PCDH15: variants seen among roughly 807,000 people sequenced by gnomAD.
The protein encoded by PCDH15 is protocadherin-15.
A neutral mutation model predicts 178.5 loss-of-function variants in PCDH15; 129 were observed. The observed-to-expected ratio is 0.72, with a 90% confidence interval of 0.63 to 0.84. PCDH15 has a LOEUF of 0.84. PCDH15 is among the 40% of genes least tolerant of loss of function. The pLI is 0.00. For synonymous variants in PCDH15, 800 were observed against 732.0 expected (o/e 1.09, Z -1.50); for missense variants, 2,230 against 2,099.9 (o/e 1.06, Z -1.21).
intron 3 of PCDH15, among the ~76,000 whole-genome samples, chr10:54,386,100 T>TTGTG (rs60205554): frequency 0.019 from 2,667 of 139,758 alleles, 44 homozygotes; most frequent in African/African-American, 0.047. Flanking sequence ...TAGTTATTAG[T>TTGTG]TGTGTGTGTG....
Position 53,806,552 on chromosome 10 carries a change from T to G in PCDH15, c.*27A>C, listed in dbSNP as rs1166703514. Reference sequence around the variant, plus strand: ...GTTTATTAAAAATGTAAGTAAAAATTAATTAAAATATCTTTTAAAAAATTG... The same window carrying G: ...GTTTATTAAAAATGTAAGTAAAAATGAATTAAAATATCTTTTAAAAAATTG... On this transcript the variant is annotated 3_prime_UTR_variant, in exon 38 of 38. Transcript: ENST00000644397. 2.7e-6 allele frequency: 4 copies of G among 1,497,296 alleles called. No homozygotes were observed. In the African/African-American group the frequency reaches 5.7e-5, roughly 21 times the overall value. 92.8% of individuals were successfully genotyped at this position (1,497,296 alleles called of 1,614,324 possible).
chr10:55,517,880 C>A (rs554382973), intron 2 of PCDH15, among the ~76,000 whole-genome samples: 2 of 152,244 alleles, frequency 1.3e-5, no homozygotes, highest in Admixed American at 1.3e-4. Context: ...CCTTTGAGTT[C>A]TCTTTCAACT....
rs150099651 is a variant in PCDH15, at chr10:54,154,664, A to G, written c.1591-1371T>C. On this transcript the variant is annotated intron_variant, in intron 13 of 37. Coordinates refer to ENST00000644397, the MANE Select transcript of PCDH15 (RefSeq NM_001384140.1). ...GTGCTGAAGGGGTTATATTATGCAT[A>G]TTCTATTTTTTATTATATGTCATGC... Among the ~76,000 whole-genome samples, 45 of 152,330 alleles carry G rather than the reference A, an allele frequency of 3.0e-4. No homozygotes were observed. In the East Asian group the frequency reaches 7.1e-3, roughly 24 times the overall value.
intron 2 of PCDH15, among the ~76,000 whole-genome samples, chr10:55,371,358 C>CT (rs1389511077): frequency 6.6e-6 from 1 of 152,020 alleles, no homozygotes; most frequent in East Asian, 1.9e-4. Flanking sequence ...CTTATAATCA[C>CT]TTTTAAAAGC....
intron 21 of PCDH15, 112 bp downstream of exon 21, chr10:53,995,537 A>G (rs1023375016): frequency 3.8e-5 from 60 of 1,590,956 alleles, no homozygotes; most frequent in Non-Finnish European, 4.8e-5. Context: ...GTATGAATAA[A>G]TAGGGTGAAA....
intron 1 of PCDH15, among the ~76,000 whole-genome samples, chr10:54,794,968 T>C (rs1197335650): frequency 6.6e-6 from 1 of 151,866 alleles, no homozygotes; most frequent in East Asian, 1.9e-4. Flanking sequence ...ATTTGAGTAC[T>C]TTACTTTCTG....
intron 2 of PCDH15, among the ~76,000 whole-genome samples, chr10:55,554,516 A>G (rs925572045): frequency 1.3e-5 from 2 of 152,052 alleles, no homozygotes; most frequent in Non-Finnish European, 2.9e-5. Context: ...ACTTTCAACA[A>G]CTTGAGTTAG....
intron 2 of PCDH15, among the ~76,000 whole-genome samples, chr10:55,586,516 T>C (rs1314306857): frequency 6.6e-6 from 1 of 152,080 alleles, no homozygotes; most frequent in Non-Finnish European, 1.5e-5. Flanking sequence ...TGGTGATAAT[T>C]GCAAAGATGC....
At chr10:54,669,557 A>T in intron 1 of PCDH15, among the ~76,000 whole-genome samples, 1 of 150,590 alleles carries the variant, frequency 6.6e-6, no homozygotes, top group Non-Finnish European at 1.5e-5. Flanking sequence ...TAAAGTTTGC[A>T]ATTTAAATTC....
At chr10:53,888,288 A>ATATATATATATATG (rs1471949404) in intron 26 of PCDH15, among the ~76,000 whole-genome samples, 3 of 54,990 alleles carry the variant, frequency 5.5e-5, no homozygotes, top group East Asian at 4.6e-3. Context: ...AACACTATAT[A>ATATATATATATATG]TACATATATA....
intron 13 of PCDH15, among the ~76,000 whole-genome samples, chr10:54,160,299 T>A (rs549493764): frequency 2.0e-5 from 3 of 152,186 alleles, no homozygotes; most frequent in African/African-American, 4.8e-5. Context: ...TTTAATGTTC[T>A]CAGAATATAG....
At chr10:54,429,613 A>T (rs1394071152) in intron 3 of PCDH15, among the ~76,000 whole-genome samples, 1 of 152,186 alleles carries the variant, frequency 6.6e-6, no homozygotes, top group African/African-American at 2.4e-5. Flanking sequence ...AAAGACACAC[A>T]TCGACTGAAA....
intron 2 of PCDH15, among the ~76,000 whole-genome samples, chr10:54,982,148 A>G (rs751340501): frequency 1.3e-5 from 2 of 152,106 alleles, no homozygotes; most frequent in Non-Finnish European, 2.9e-5. Flanking sequence ...ATAAATAAAC[A>G]GCAATTATGC....
At chr10:55,454,773 T>C (rs1839514462) in intron 2 of PCDH15, among the ~76,000 whole-genome samples, 1 of 99,176 alleles carries the variant, frequency 1.0e-5, no homozygotes, top group Non-Finnish European at 1.8e-5. Context: ...CAACAGAGAC[T>C]CTGTCTCAAA....
chr10:55,100,106 GA>G (rs1842543265), intron 2 of PCDH15, among the ~76,000 whole-genome samples: 1 of 152,012 alleles, frequency 6.6e-6, no homozygotes, highest in East Asian at 1.9e-4. Flanking sequence ...AAAATACAAT[GA>G]TAAATAATCA....
intron 3 of PCDH15, among the ~76,000 whole-genome samples, chr10:54,505,235 C>G (rs1449665396): frequency 6.6e-6 from 1 of 152,038 alleles, no homozygotes; most frequent in East Asian, 1.9e-4. Context: ...ATCAAAGGAA[C>G]TACACATATA....
chr10:54,083,227 C>T (rs1320119009), intron 16 of PCDH15, among the ~76,000 whole-genome samples: 2 of 152,094 alleles, frequency 1.3e-5, no homozygotes, highest in African/African-American at 4.8e-5. Context: ...TTGACAGTTC[C>T]TCAAATGGTT....
intron 15 of PCDH15, among the ~76,000 whole-genome samples, chr10:54,102,831 G>A (rs917171634): frequency 1.3e-5 from 2 of 152,046 alleles, no homozygotes; most frequent in Non-Finnish European, 2.9e-5. Flanking sequence ...AGACAGATCC[G>A]AGCTGAAACC....
At chr10:54,967,666 T>C (rs940776308) in intron 2 of PCDH15, among the ~76,000 whole-genome samples, 47 of 152,156 alleles carry the variant, frequency 3.1e-4, no homozygotes, top group African/African-American at 1.1e-3. Context: ...ATAAAATTGT[T>C]ATGAACCTTC....
Sources: allele counts gnomAD v4.1 joint callset (sites outside exome capture counted in the v4.1 genomes callset), GRCh38; gene constraint gnomAD v4.1.1; transcripts MANE v1.5; gene names NCBI Gene and HGNC (gene_info 2026-07-23, HGNC 2026-07-21).